FUT9: variants seen among roughly 807,000 people sequenced by gnomAD.
The protein encoded by FUT9 is 4-galactosyl-N-acetylglucosaminide 3-alpha-L-fucosyltransferase 9.
FUT9 carries 15 observed loss-of-function variants against 29.7 expected under a neutral mutation model. The observed-to-expected ratio is 0.51, with a 90% confidence interval of 0.34 to 0.78. FUT9 has a LOEUF of 0.78. FUT9 is among the 30% of genes least tolerant of loss of function. The pLI, the probability that FUT9 is intolerant of heterozygous loss-of-function variation, is 0.01. For synonymous variants in FUT9, 169 were observed against 153.7 expected (o/e 1.10, Z -0.74); for missense variants, 319 against 425.4 (o/e 0.75, Z 2.20).
chr6:96,145,272 A>G (rs1244980882), intron 2 of FUT9, among the ~76,000 whole-genome samples: 3 of 151,998 alleles, frequency 2.0e-5, no homozygotes, highest in Admixed American at 6.6e-5. Flanking sequence ...GTTAGCTAGG[A>G]TGGTCTCGAT....
chr6:96,114,718 A>T (rs963637955), intron 2 of FUT9, among the ~76,000 whole-genome samples: 5 of 152,152 alleles, frequency 3.3e-5, no homozygotes, highest in Admixed American at 2.6e-4. Context: ...ATTTCACATG[A>T]TTAAAAAATA....
rs114467338 is a variant in FUT9, at chr6:96,107,852, G to A, written c.-97-6187G>A. 3.2e-3 allele frequency among the ~76,000 whole-genome samples: 494 copies of A among 152,224 alleles called. 3 individuals carry two copies. The highest frequency in any genetic ancestry group is 0.014 in the Middle Eastern group (4 of 294). The stretch of plus-strand genomic sequence containing the variant: ...CTATTCACTTTAACTATAGAGTCAA[G>A]ACAGATCATTCAAGTGAGCTAAGTG... On this transcript the variant is annotated intron_variant, in intron 1 of 2. Coordinates refer to ENST00000302103, the MANE Select transcript of FUT9 (RefSeq NM_006581.4).
intron 2 of FUT9, among the ~76,000 whole-genome samples, chr6:96,151,937 G>A (rs5026339): frequency 6.6e-6 from 1 of 152,122 alleles, no homozygotes. Flanking sequence ...GAAATACCAG[G>A]AAGGACATTA....
intron 1 of FUT9, among the ~76,000 whole-genome samples, chr6:96,044,592 T>C: frequency 6.6e-6 from 1 of 152,228 alleles, no homozygotes; most frequent in Non-Finnish European, 1.5e-5. Flanking sequence ...CCAGTAATAA[T>C]TGAAACTCTT....
chr6:96,156,391 C>G (rs979204168), intron 2 of FUT9, among the ~76,000 whole-genome samples: 1 of 152,092 alleles, frequency 6.6e-6, no homozygotes, highest in African/African-American at 2.4e-5. Flanking sequence ...AAAAATCAGG[C>G]ACGTGGACAC....
intron 2 of FUT9, among the ~76,000 whole-genome samples, chr6:96,138,669 A>G (rs1258854715): frequency 6.6e-6 from 1 of 152,200 alleles, no homozygotes; most frequent in Non-Finnish European, 1.5e-5. Flanking sequence ...GGGCAGCAGC[A>G]TCCAGGACTT....
At chr6:96,176,622 A>G (rs1773209726) in intron 2 of FUT9, among the ~76,000 whole-genome samples, 1 of 152,144 alleles carries the variant, frequency 6.6e-6, no homozygotes, top group East Asian at 1.9e-4. Flanking sequence ...ATTCGCCCAG[A>G]TATTCTCTCC....
At chr6:96,051,008 C>CTGTGTG (rs762067470) in intron 1 of FUT9, among the ~76,000 whole-genome samples, 1 of 88,750 alleles carries the variant, frequency 1.1e-5, no homozygotes, top group South Asian at 5.0e-4. Context: ...GTCTCTCTCT[C>CTGTGTG]TCTCTGTGTG....
intron 2 of FUT9, among the ~76,000 whole-genome samples, chr6:96,127,209 C>T (rs1008141029): frequency 6.6e-6 from 1 of 152,050 alleles, no homozygotes; most frequent in Admixed American, 6.6e-5. Context: ...TCAAGTAGGC[C>T]CCAGTGGCTG....
intron 1 of FUT9, among the ~76,000 whole-genome samples, chr6:96,035,274 A>T (rs977089054): frequency 6.6e-6 from 1 of 151,608 alleles, no homozygotes; most frequent in African/African-American, 2.4e-5. Context: ...GATCCTATTT[A>T]TTCTGGGAGC....
chr6:96,130,987 C>T (rs961408989), intron 2 of FUT9, among the ~76,000 whole-genome samples: 6 of 152,162 alleles, frequency 3.9e-5, no homozygotes, highest in African/African-American at 9.6e-5. Flanking sequence ...GCTTATAAGA[C>T]GGGGTTAATA....
At chr6:96,122,680 A>G (rs1161762536) in intron 2 of FUT9, among the ~76,000 whole-genome samples, 1 of 152,058 alleles carries the variant, frequency 6.6e-6, no homozygotes, top group Non-Finnish European at 1.5e-5. Flanking sequence ...GAGTTTTCAT[A>G]TATATATAAA....
intron 1 of FUT9, among the ~76,000 whole-genome samples, chr6:96,042,442 C>CTGGAATAT (rs1434924824): frequency 6.6e-6 from 1 of 152,004 alleles, no homozygotes; most frequent in African/African-American, 2.4e-5. Context: ...TTAAAATGTG[C>CTGGAATAT]CCACTACCTA....
chr6:96,116,614 A>C (rs369432786), intron 2 of FUT9, among the ~76,000 whole-genome samples: 2 of 152,328 alleles, frequency 1.3e-5, no homozygotes, highest in East Asian at 3.9e-4. Flanking sequence ...TTTTAAAAGG[A>C]AAGTATTGAT....
chr6:96,112,413 C>T (rs929814452), intron 1 of FUT9, among the ~76,000 whole-genome samples: 2 of 152,180 alleles, frequency 1.3e-5, no homozygotes, highest in Admixed American at 6.5e-5. Flanking sequence ...AAAGACAAGA[C>T]AGATCCATTT....
chr6:96,075,135 C>G (rs764682065), intron 1 of FUT9, among the ~76,000 whole-genome samples: 1 of 151,542 alleles, frequency 6.6e-6, no homozygotes, highest in African/African-American at 2.4e-5. Context: ...TGTGTGTGTG[C>G]GTGTGTGTGT....
At chr6:96,180,941 AAAAAG>A (rs1773295614) in intron 2 of FUT9, among the ~76,000 whole-genome samples, 1 of 151,558 alleles carries the variant, frequency 6.6e-6, no homozygotes, top group Admixed American at 6.6e-5. Context: ...AAAAGAAAAA[AAAAAG>A]AAAAGCAGGA....
intron 1 of FUT9, among the ~76,000 whole-genome samples, chr6:96,053,706 C>T (rs1770713827): frequency 6.6e-6 from 1 of 151,996 alleles, no homozygotes; most frequent in Non-Finnish European, 1.5e-5. Context: ...GAGACTCCAT[C>T]TCTAAATAAA....
intron 1 of FUT9, among the ~76,000 whole-genome samples, chr6:96,054,156 G>A (rs1054917537): frequency 3.3e-5 from 5 of 152,100 alleles, no homozygotes; most frequent in African/African-American, 1.2e-4. Flanking sequence ...CAGGGATTTT[G>A]TCCTTTTAAG....
Sources: gnomAD v4.1 joint callset for allele counts (sites outside exome capture counted in the v4.1 genomes callset) on GRCh38, gnomAD v4.1.1 for gene constraint, MANE v1.5 for transcripts, NCBI Gene and HGNC (gene_info 2026-07-23, HGNC 2026-07-21) for gene names.